Variants in B3GALT1 observed in about 807,000 individuals in gnomAD.
B3GALT1 encodes beta-1,3-galactosyltransferase 1.
In B3GALT1, 10 loss-of-function variants were observed where a neutral mutation model predicts 23.2. The ratio of observed to expected loss-of-function variants is 0.43; its 90% CI spans 0.27 to 0.73. The LOEUF (loss-of-function observed/expected upper bound fraction) is 0.73. B3GALT1 is among the 30% of genes least tolerant of loss of function. The pLI is 0.21. For synonymous variants in B3GALT1, 156 were observed against 141.5 expected, an observed-to-expected ratio of 1.10 and a Z score of -0.73; for missense variants, 299 against 405.4, an observed-to-expected ratio of 0.74 and a Z score of 2.25.
intron 1 of B3GALT1, among the ~76,000 whole-genome samples, chr2:167,374,996 T>G (rs1195743236): frequency 6.6e-6 from 1 of 152,198 alleles, no homozygotes. Context: ...TAATTCATCT[T>G]GAGTTCATTT....
intron 1 of B3GALT1, among the ~76,000 whole-genome samples, chr2:167,374,581 G>A (rs1020842603): frequency 1.3e-5 from 2 of 152,014 alleles, no homozygotes; most frequent in Non-Finnish European, 2.9e-5. Flanking sequence ...TATCTCACTG[G>A]TTTTGATTTG....
intron 3 of B3GALT1, among the ~76,000 whole-genome samples, chr2:167,753,353 G>T (rs73971243): frequency 0.093 from 14,181 of 152,204 alleles, 1,493 homozygotes; most frequent in African/African-American, 0.23. Flanking sequence ...GCCATGCCAG[G>T]TTGGGAGAGT....
chr2:167,460,193 T>C (rs866832455), intron 1 of B3GALT1, among the ~76,000 whole-genome samples: 27 of 152,348 alleles, frequency 1.8e-4, no homozygotes, highest in Admixed American at 9.8e-4. Context: ...CTTTGAATAT[T>C]CTCCCTACCC....
intron 3 of B3GALT1, among the ~76,000 whole-genome samples, chr2:167,732,076 CAAG>C (rs1687418931): frequency 6.6e-6 from 1 of 152,124 alleles, no homozygotes; most frequent in African/African-American, 2.4e-5. Context: ...TGAATATGGC[CAAG>C]AAGAAGTACT....
intron 2 of B3GALT1, among the ~76,000 whole-genome samples, chr2:167,616,908 G>A (rs1382622976): frequency 2.6e-5 from 4 of 152,056 alleles, no homozygotes; most frequent in African/African-American, 9.7e-5. Context: ...ATCTGAGAAG[G>A]TTATGTATTG....
At chr2:167,802,503 T>C (rs1688657467) in intron 3 of B3GALT1, among the ~76,000 whole-genome samples, 2 of 152,254 alleles carry the variant, frequency 1.3e-5, no homozygotes, top group Non-Finnish European at 2.9e-5. Context: ...GAAATCCCTG[T>C]GCACCACCAG....
intron 2 of B3GALT1, among the ~76,000 whole-genome samples, chr2:167,557,953 A>G (rs1683883254): frequency 6.6e-6 from 1 of 152,224 alleles, no homozygotes; most frequent in Admixed American, 6.5e-5. Context: ...AGGGAGCAAA[A>G]GCCCAGCCCA....
rs1190751425 is a variant in B3GALT1, at chr2:167,411,614, G to T, written c.-510-78563G>T. On this transcript the variant is annotated intron_variant, in intron 1 of 4. Coordinates refer to ENST00000392690, the MANE Select transcript of B3GALT1 (RefSeq NM_020981.4). ...AAAGGGGAACCCTCATACACTGTTG[G>T]TGGGAATGTAAATTAGTACAGCTAC... Among the ~76,000 whole-genome samples, 15 of 152,316 alleles carry T rather than the reference G, an allele frequency of 9.8e-5. No individual in the cohort carries two copies. In the South Asian group the frequency reaches 2.3e-3, roughly 23 times the overall value.
chr2:167,789,419 A>T (rs1361130733), intron 3 of B3GALT1, among the ~76,000 whole-genome samples: 1 of 152,310 alleles, frequency 6.6e-6, no homozygotes, highest in African/African-American at 2.4e-5. Context: ...CACCAACAAC[A>T]CGAGCATGAT....
intron 3 of B3GALT1, among the ~76,000 whole-genome samples, chr2:167,774,289 A>G (rs750811078): frequency 9.2e-5 from 14 of 152,012 alleles, no homozygotes; most frequent in Non-Finnish European, 2.1e-4. Flanking sequence ...AAAGTCCCCT[A>G]TGTTTCTTTA....
At chr2:167,781,908 A>G (rs1051817697) in intron 3 of B3GALT1, among the ~76,000 whole-genome samples, 1 of 151,888 alleles carries the variant, frequency 6.6e-6, no homozygotes, top group African/African-American at 2.4e-5. Flanking sequence ...CGCCCAGTGA[A>G]TTTTTGTACT....
chr2:167,553,334 A>G (rs1009866116), intron 2 of B3GALT1, among the ~76,000 whole-genome samples: 11 of 152,236 alleles, frequency 7.2e-5, no homozygotes, highest in African/African-American at 2.7e-4. Context: ...ACTTGGGTTA[A>G]TAAAATGTTA....
intron 1 of B3GALT1, among the ~76,000 whole-genome samples, chr2:167,336,591 G>C (rs1339827578): frequency 6.6e-6 from 1 of 151,930 alleles, no homozygotes; most frequent in African/African-American, 2.4e-5. Flanking sequence ...AATCAAGTTA[G>C]GTGTCTTCAT....
At chr2:167,867,352 C>A (rs1037012382) in intron 4 of B3GALT1, among the ~76,000 whole-genome samples, 2 of 152,166 alleles carry the variant, frequency 1.3e-5, no homozygotes, top group Admixed American at 6.5e-5. Flanking sequence ...ACAGAAATTT[C>A]TCCCGGGAGG....
At chr2:167,664,396 G>A (rs1686132890) in intron 3 of B3GALT1, among the ~76,000 whole-genome samples, 3 of 149,632 alleles carry the variant, frequency 2.0e-5, no homozygotes, top group South Asian at 4.1e-4. Flanking sequence ...CAGGTAGCAT[G>A]ATGCCTCCAG....
chr2:167,829,323 A>C (rs1689293087), intron 4 of B3GALT1, among the ~76,000 whole-genome samples: 1 of 151,948 alleles, frequency 6.6e-6, no homozygotes, highest in Non-Finnish European at 1.5e-5. Flanking sequence ...CTCTACTAAA[A>C]ATACAAAAAA....
chr2:167,605,900 A>G (rs755897883), intron 2 of B3GALT1, among the ~76,000 whole-genome samples: 35 of 152,192 alleles, frequency 2.3e-4, no homozygotes, highest in Non-Finnish European at 7.3e-5. Flanking sequence ...GGATTTGAGT[A>G]TAACTCTATC....
At chr2:167,758,114 G>A (rs145993919) in intron 3 of B3GALT1, among the ~76,000 whole-genome samples, 28 of 152,052 alleles carry the variant, frequency 1.8e-4, no homozygotes, top group African/African-American at 5.1e-4. Context: ...TAGGCTTCCC[G>A]GATTCCACCC....
intron 2 of B3GALT1, among the ~76,000 whole-genome samples, chr2:167,528,396 C>A (rs999479043): frequency 7.9e-5 from 12 of 152,040 alleles, no homozygotes; most frequent in African/African-American, 2.9e-4. Context: ...GTTCCTGGTC[C>A]CCTATTTAAG....
Sources: allele counts gnomAD v4.1 joint callset (sites outside exome capture counted in the v4.1 genomes callset), GRCh38; gene constraint gnomAD v4.1.1; transcripts MANE v1.5; gene names NCBI Gene and HGNC (gene_info 2026-07-23, HGNC 2026-07-21).